ALG6: variants seen among roughly 807,000 people sequenced by gnomAD.
ALG6 encodes dolichyl pyrophosphate Man9GlcNAc2 alpha-1,3-glucosyltransferase.
A neutral mutation model predicts 66.6 loss-of-function variants in ALG6; 46 were observed. That is an observed-to-expected ratio of 0.69 (90% confidence interval 0.55 to 0.88). The LOEUF is 0.88. Among genes scored for constraint, ALG6 ranks in the 40% least tolerant of loss-of-function variants. The pLI, the probability that ALG6 is intolerant of heterozygous loss-of-function variation, is 0.00. For synonymous variants in ALG6, 185 were observed against 203.7 expected, an observed-to-expected ratio of 0.91 and a Z score of 0.78; for missense variants, 505 against 586.8, an observed-to-expected ratio of 0.86 and a Z score of 1.44.
chr1:63,370,996 A>G lies in ALG6; in HGVS notation c.19A>G (p.Met7Val), dbSNP rs1463958522. 5 of 1,609,166 alleles carry G rather than the reference A, an allele frequency of 3.1e-6. No individual in the cohort carries two copies. In the African/African-American group the frequency reaches 6.7e-5, roughly 22 times the overall value. The change falls in exon 2 of 15, where the codon ATG becomes GTG. Residue 7 changes from methionine (M) to valine (V), a missense_variant. Physicochemically the swap from Met to Val is conservative, Grantham distance 21. Coordinates refer to ENST00000263440, the MANE Select transcript of ALG6 (RefSeq NM_013339.4). MEKWYL[M>V]TVVVLIGLTV... ...AAGAACTATGGAGAAATGGTACTTG[A>G]TGACAGTAGTGGTTTTAATAGGACT...
At chr1:63,418,987 A>G (rs762200697) in intron 11 of ALG6, among the ~76,000 whole-genome samples, 5 of 152,208 alleles carry the variant, frequency 3.3e-5, no homozygotes, top group Non-Finnish European at 7.3e-5. Flanking sequence ...TTAAAACACC[A>G]AAATAGATTT....
At chr1:63,413,775 G>C (rs752011226) in intron 9 of ALG6, 13 of 249,592 alleles carry the variant, frequency 5.2e-5, no homozygotes, top group Non-Finnish European at 9.4e-5. Flanking sequence ...AAGGACTTTA[G>C]TATTCAGGGA....
At chr1:63,391,260 G>A (rs140289817) in intron 2 of ALG6, among the ~76,000 whole-genome samples, 22 of 152,238 alleles carry the variant, frequency 1.4e-4, no homozygotes, top group South Asian at 1.2e-3. Flanking sequence ...AAAACATAAC[G>A]CATTTATTGA....
intron 2 of ALG6, among the ~76,000 whole-genome samples, chr1:63,382,423 G>A (rs1357015310): frequency 1.3e-5 from 2 of 151,514 alleles, no homozygotes. Flanking sequence ...GACTGGTCTC[G>A]AACTCCTGAC....
Position 63,435,553 on chromosome 1 carries a change from T to C in ALG6, c.1327-1270T>C, listed in dbSNP as rs371392241. ...AGGGTTCTGTGTCCCACCCACTTCA[T>C]GGAAGTCACTACTGTTTCTCACTGC... is the stretch of plus-strand genomic sequence containing the variant. On this transcript the variant is annotated intron_variant, in intron 14 of 14. Coordinates refer to ENST00000263440, the MANE Select transcript of ALG6 (RefSeq NM_013339.4). 1.4e-4 allele frequency among the ~76,000 whole-genome samples: 21 copies of C among 152,258 alleles called. No homozygotes were observed. The East Asian group carries it at 2.3e-3, about 17-fold the overall frequency.
chr1:63,418,892 T>A (rs2100427516), intron 11 of ALG6, among the ~76,000 whole-genome samples: 1 of 152,346 alleles, frequency 6.6e-6, no homozygotes. Flanking sequence ...AATATAAACT[T>A]CTCAAAATAG....
chr1:63,384,173 A>G (rs1160703787), intron 2 of ALG6, among the ~76,000 whole-genome samples: 1 of 152,162 alleles, frequency 6.6e-6, no homozygotes, highest in South Asian at 2.1e-4. Flanking sequence ...TGTCGTTTGG[A>G]TAAAAGCCAT....
At chr1:63,414,588 C>A (rs1644532829) in intron 10 of ALG6, among the ~76,000 whole-genome samples, 1 of 152,142 alleles carries the variant, frequency 6.6e-6, no homozygotes, top group Non-Finnish European at 1.5e-5. Context: ...CATAAAAGAC[C>A]TATTGCTCTG....
intron 3 of ALG6, among the ~76,000 whole-genome samples, chr1:63,401,184 C>T (rs1644463454): frequency 2.6e-5 from 4 of 152,166 alleles, no homozygotes. Flanking sequence ...TGGCTGTCTA[C>T]CATGCCTTGA....
intron 2 of ALG6, among the ~76,000 whole-genome samples, chr1:63,392,123 G>T (rs1648690716): frequency 6.6e-6 from 1 of 151,826 alleles, no homozygotes; most frequent in African/African-American, 2.4e-5. Flanking sequence ...CCATTTAACT[G>T]CTTAGTTTCT....
rs2100428056 is a variant in ALG6, at chr1:63,419,426, T to C, written c.1044T>C (p.Ile348=). The part of the protein sequence containing the change: ...LFSFQVHEKS[I]LLVSLPVCLV... ...CTTTCCAAGTACATGAAAAATCCAT[T>C]CTCTTGGTGTCACTGTAAGTAGAAA... Residue 348 remains isoleucine, a synonymous_variant, in exon 12 of 15, where the codon ATT becomes ATC. Coordinates refer to ENST00000263440, the MANE Select transcript of ALG6 (RefSeq NM_013339.4). The C allele has an allele frequency of 6.2e-7, 1 of 1,605,066 alleles. No individual in the cohort carries two copies. Among genetic ancestry groups the C allele is most frequent in the East Asian group, 2.2e-5 (1 of 44,562 alleles).
chr1:63,390,003 C>T (rs1478501262), intron 2 of ALG6, among the ~76,000 whole-genome samples: 9 of 152,220 alleles, frequency 5.9e-5, no homozygotes, highest in African/African-American at 2.2e-4. Context: ...GTGTGGCCAT[C>T]ACATTGGGAC....
At chr1:63,398,619 C>A (rs1041514890) in intron 3 of ALG6, among the ~76,000 whole-genome samples, 1 of 151,890 alleles carries the variant, frequency 6.6e-6, no homozygotes, top group African/African-American at 2.4e-5. Flanking sequence ...ACTACAGGCG[C>A]CCACCACCAC....
chr1:63,380,886 C>T (rs1648277839), intron 2 of ALG6, among the ~76,000 whole-genome samples: 1 of 152,150 alleles, frequency 6.6e-6, no homozygotes. Flanking sequence ...GGAAAATCAA[C>T]AGAATCAGAT....
At chr1:63,384,712 C>T (rs75813124) in intron 2 of ALG6, among the ~76,000 whole-genome samples, 5,602 of 152,108 alleles carry the variant, frequency 0.037, 391 homozygotes, top group African/African-American at 0.13. Flanking sequence ...ATATAGATAT[C>T]CAATTTTCCC....
rs1322205285 is a variant in ALG6 at position 63,411,140 on chromosome 1, G to A, written c.495-6G>A. 6.2e-7 allele frequency: 1 copy of A among 1,613,128 alleles called. No individual in the cohort carries two copies. Among genetic ancestry groups the A allele is most frequent in the East Asian group, 2.2e-5 (1 of 44,854 alleles). On this transcript the variant is annotated splice_polypyrimidine_tract_variant and splice_region_variant and intron_variant, in intron 7 of 14. Coordinates refer to ENST00000263440, the MANE Select transcript of ALG6 (RefSeq NM_013339.4). ...TATTGAGATAATTTCCTTGACACAG[G>A]AACATATATAATTCTGTGAGTCTTG...
chr1:63,413,655 G>T, intron 9 of ALG6: 1 of 169,456 alleles, frequency 5.9e-6, no homozygotes, highest in South Asian at 1.4e-4. Context: ...TAGCTAGCAG[G>T]TTACTCTGTT....
chr1:63,414,091 A>G lies in ALG6; in HGVS notation c.847A>G (p.Asn283Asp), dbSNP rs1183114441. Residue 283 changes from asparagine to aspartate, a missense_variant, in exon 10 of 15, where the codon AAT becomes GAT. Coordinates refer to ENST00000263440, the MANE Select transcript of ALG6 (RefSeq NM_013339.4). ...AGTAGCCAATATTTGGTGCAGCTTCAATGTCTTTCTGAAGATTAAGGATAT... is the reference window on the plus strand; with the variant it reads ...AGTAGCCAATATTTGGTGCAGCTTCGATGTCTTTCTGAAGATTAAGGATAT... The part of the protein sequence containing the change: ...DKVANIWCSF[N>D]VFLKIKDILP... The G allele has an allele frequency of 1.2e-6, 2 of 1,612,958 alleles. No homozygotes were observed. Among genetic ancestry groups the G allele is most frequent in the Non-Finnish European group, 1.7e-6 (2 of 1,179,276 alleles).
intron 14 of ALG6, 95 bp from the exon 15 acceptor site, chr1:63,436,728 T>C (rs1273784665): frequency 8.0e-7 from 1 of 1,244,100 alleles, no homozygotes; most frequent in Non-Finnish European, 1.2e-6. Context: ...AACCCTCACC[T>C]TTAATTCTGC....
Sources: gnomAD v4.1 joint callset for allele counts (sites outside exome capture counted in the v4.1 genomes callset) on GRCh38, gnomAD v4.1.1 for gene constraint, MANE v1.5 for transcripts, NCBI Gene and HGNC (gene_info 2026-07-23, HGNC 2026-07-21) for gene names.